The following KLHL4 variants were observed in gnomAD, a reference collection of about 807,000 sequenced individuals.
The protein encoded by KLHL4 is kelch like family member 4, also known as kelch-like protein 4.
Under a neutral mutation model 45.8 loss-of-function variants are expected in KLHL4, and 17 were observed. That is an observed-to-expected ratio of 0.37 (90% confidence interval 0.25 to 0.56). KLHL4 has a LOEUF of 0.56. Ranked by LOEUF, KLHL4 falls within the 20% of genes least tolerant of loss-of-function variation. The pLI, the probability that KLHL4 is intolerant of heterozygous loss-of-function variation, is 0.79. For synonymous variants in KLHL4, 224 were observed against 189.9 expected, an observed-to-expected ratio of 1.18 and a Z score of -1.47; for missense variants, 544 against 544.9, an observed-to-expected ratio of 1.00 and a Z score of 0.02.
At position 87,650,219 on chromosome X, in the gene KLHL4, C is replaced by G. The variant is rs370631724; in HGVS notation, c.1925+14444C>G. 7.2e-5 allele frequency among the ~76,000 whole-genome samples: 8 copies of G among 110,879 alleles called. No individual in the cohort carries two copies. In the East Asian group the frequency reaches 2.0e-3, roughly 28 times the overall value. The stretch of plus-strand genomic sequence containing the variant: ...CATGTAATCCTCCTACCTCAGCCTC[C>G]TTAGTAGTTGAGGCTACAGGCATGT... On this transcript the variant is annotated intron_variant, in intron 9 of 10. Coordinates refer to ENST00000373119, the MANE Select transcript of KLHL4 (RefSeq NM_019117.5).
chrX:87,563,099 T>C (rs1352357812), intron 1 of KLHL4, among the ~76,000 whole-genome samples: 1 of 110,980 alleles, frequency 9.0e-6, no homozygotes, highest in Non-Finnish European at 1.9e-5. Context: ...GTGATCAAAG[T>C]CTTAGATTAC....
At chrX:87,550,536 A>G (rs1169837327) in intron 1 of KLHL4, among the ~76,000 whole-genome samples, 3 of 111,260 alleles carry the variant, frequency 2.7e-5, no homozygotes, top group East Asian at 2.8e-4. Context: ...TATCAAAAGC[A>G]GGAAAGGACT....
intron 9 of KLHL4, among the ~76,000 whole-genome samples, chrX:87,656,672 A>C (rs1460151497): frequency 1.8e-5 from 2 of 109,819 alleles, no homozygotes; most frequent in Admixed American, 9.8e-5. Context: ...AATATTTTGA[A>C]TTATTTATCT....
chrX:87,535,719 G>A (rs754162648), intron 1 of KLHL4, among the ~76,000 whole-genome samples: 7 of 110,577 alleles, frequency 6.3e-5, no homozygotes, highest in African/African-American at 9.9e-5. Flanking sequence ...CCCAAAGCTC[G>A]TGTCAAATTG....
At chrX:87,535,125 A>T (rs1931402026) in intron 1 of KLHL4, among the ~76,000 whole-genome samples, 1 of 111,823 alleles carries the variant, frequency 8.9e-6, no homozygotes, top group Admixed American at 9.6e-5. Context: ...TTTGCTCTGA[A>T]TTTTTTTCAT....
intron 1 of KLHL4, among the ~76,000 whole-genome samples, chrX:87,592,867 T>C (rs1420370808): frequency 8.9e-6 from 1 of 112,260 alleles, no homozygotes; most frequent in Non-Finnish European, 1.9e-5. Context: ...CTGTGGGTTG[T>C]ATCTTCACTT....
At chrX:87,666,325 G>A (rs1924367462) in intron 10 of KLHL4, 150 bp from the exon 11 acceptor site, 1 of 472,267 alleles carries the variant, frequency 2.1e-6, no homozygotes, top group South Asian at 7.7e-5. Context: ...ACACTACACT[G>A]TTTTCTAGGC....
At chrX:87,616,052 G>A (rs1302202366) in intron 3 of KLHL4, among the ~76,000 whole-genome samples, 1 of 111,458 alleles carries the variant, frequency 9.0e-6, no homozygotes, top group African/African-American at 3.3e-5. Context: ...ATGTAGCATA[G>A]TATACTTTGG....
chrX:87,667,390 C>T lies in KLHL4; in HGVS notation c.*856C>T, dbSNP rs1355583807. On this transcript the variant is annotated 3_prime_UTR_variant, in exon 11 of 11. Transcript: ENST00000373119. ...TTATGTTAACTCTATAAACAAATAT[C>T]GTTAAGTTAAACAAGTTTTCAAAAA... is the stretch of plus-strand genomic sequence containing the variant. The T allele has an allele frequency of 1.3e-5, 9 of 697,359 alleles. No homozygotes were observed. Among genetic ancestry groups the T allele is most frequent in the African/African-American group, 4.8e-5 (2 of 41,965 alleles). 57.5% of individuals were successfully genotyped at this position (697,359 alleles called of 1,213,427 possible). A position where few individuals can be genotyped will look rare whatever the true frequency, so the allele number is the denominator to read the frequency against.
intron 1 of KLHL4, among the ~76,000 whole-genome samples, chrX:87,592,393 G>C (rs1321745963): frequency 9.0e-6 from 1 of 111,011 alleles, no homozygotes; most frequent in Non-Finnish European, 1.9e-5. Flanking sequence ...AGGATTGCTG[G>C]ATAATATGAT....
intron 1 of KLHL4, among the ~76,000 whole-genome samples, chrX:87,582,080 C>T (rs1472577937): frequency 8.9e-6 from 1 of 111,750 alleles, no homozygotes; most frequent in Non-Finnish European, 1.9e-5. Flanking sequence ...GTATTAATAA[C>T]AGAATAGATC....
chrX:87,599,398 T>A (rs1392834550), intron 1 of KLHL4, among the ~76,000 whole-genome samples: 1 of 111,885 alleles, frequency 8.9e-6, no homozygotes, highest in East Asian at 2.8e-4. Flanking sequence ...TATTTTGCTT[T>A]TTAGATTCAA....
intron 1 of KLHL4, among the ~76,000 whole-genome samples, chrX:87,569,245 G>T (rs750506851): frequency 6.3e-5 from 7 of 111,610 alleles, no homozygotes; most frequent in Admixed American, 1.9e-4. Context: ...TTAGGGAAAT[G>T]CAAGTCAAAA....
chrX:87,637,735 G>A (rs139789439), intron 9 of KLHL4, among the ~76,000 whole-genome samples: 4 of 111,664 alleles, frequency 3.6e-5, no homozygotes, highest in African/African-American at 1.3e-4. Flanking sequence ...GATCATCTGA[G>A]ATCAGGAGTT....
intron 1 of KLHL4, among the ~76,000 whole-genome samples, chrX:87,567,568 CTGAT>C (rs1241035066): frequency 9.0e-6 from 1 of 111,641 alleles, no homozygotes. Flanking sequence ...TATCCATCAA[CTGAT>C]TAATGAATAA....
chrX:87,551,267 C>CA (rs199814814), intron 1 of KLHL4, among the ~76,000 whole-genome samples: 11 of 107,567 alleles, frequency 1.0e-4, no homozygotes, highest in South Asian at 3.9e-4. Context: ...ACAATAGCTG[C>CA]AAAAAAAAAT....
intron 1 of KLHL4, among the ~76,000 whole-genome samples, chrX:87,570,470 G>A (rs998838694): frequency 9.1e-6 from 1 of 110,494 alleles, no homozygotes; most frequent in Non-Finnish European, 1.9e-5. Context: ...GAGAATGACC[G>A]TATCATTTAT....
At chrX:87,523,689 G>T (rs1045584834) in intron 1 of KLHL4, among the ~76,000 whole-genome samples, 6 of 111,779 alleles carry the variant, frequency 5.4e-5, no homozygotes, top group Non-Finnish European at 1.1e-4. Flanking sequence ...AAGGCCGGCC[G>T]TGGTGGCGCA....
At chrX:87,616,060 T>C (rs1411031774) in intron 3 of KLHL4, among the ~76,000 whole-genome samples, 3 of 111,571 alleles carry the variant, frequency 2.7e-5, no homozygotes, top group East Asian at 2.8e-4. Context: ...TAGTATACTT[T>C]GGGATAGGTG....
Sources: allele counts gnomAD v4.1 joint callset (sites outside exome capture counted in the v4.1 genomes callset), GRCh38; gene constraint gnomAD v4.1.1; transcripts MANE v1.5; gene names NCBI Gene and HGNC (gene_info 2026-07-23, HGNC 2026-07-21).